PCCB: variants seen among roughly 807,000 people sequenced by gnomAD.
The protein encoded by PCCB is propionyl-CoA carboxylase beta chain, mitochondrial.
In PCCB, 43 loss-of-function variants were observed where a neutral mutation model predicts 60.7. The ratio of observed to expected loss-of-function variants is 0.71; its 90% confidence interval spans 0.55 to 0.91. The LOEUF (loss-of-function observed/expected upper bound fraction) is 0.91, where lower values mean the gene tolerates loss of function less well. Ranked by LOEUF, PCCB falls within the 40% of genes least tolerant of loss-of-function variation. PCCB has a pLI of 0.00. For missense variants in PCCB, 766 were observed against 702.8 expected (o/e 1.09, Z -1.02); for synonymous variants, 276 against 255.9 (o/e 1.08, Z -0.75).
At position 136,297,863 on chromosome 3, in the gene PCCB, T is replaced by C. The variant is rs955547843; in HGVS notation, c.764-89T>C. ...CTATCAGCACGGTCTGCTACTGACA[T>C]GCCCTAGAAGGGCGCAGTCAGGCAT... On this transcript the variant is annotated intron_variant, in intron 7 of 14. Coordinates refer to ENST00000251654, the MANE Select transcript of PCCB (RefSeq NM_000532.5). The C allele has an allele frequency of 1.8e-5, 26 of 1,433,758 alleles. No individual in the cohort carries two copies. The African/African-American group carries it at 3.4e-4, about 18-fold the overall frequency. The allele number at this position is 1,433,758 out of a possible 1,614,324, so 88.8% of individuals were successfully genotyped here. A position where few individuals can be genotyped will look rare whatever the true frequency, so the allele number is the denominator to read the frequency against.
At chr3:136,272,425 T>A (rs909976649) in intron 5 of PCCB, among the ~76,000 whole-genome samples, 1 of 152,140 alleles carries the variant, frequency 6.6e-6, no homozygotes, top group Non-Finnish European at 1.5e-5. Flanking sequence ...ATAGTTTCAG[T>A]AGGATTGGTA....
chr3:136,308,785 G>A (rs1302877513), intron 9 of PCCB, among the ~76,000 whole-genome samples: 1 of 152,138 alleles, frequency 6.6e-6, no homozygotes, highest in African/African-American at 2.4e-5. Flanking sequence ...TAAAACAAAA[G>A]TAGCCTCCAG....
chr3:136,273,768 C>T (rs550506233), intron 5 of PCCB, among the ~76,000 whole-genome samples: 13 of 150,150 alleles, frequency 8.7e-5, no homozygotes, highest in African/African-American at 2.7e-4. Context: ...AAAAATTAGC[C>T]GGGCGTGGTG....
At chr3:136,300,184 A>AT (rs1220047943) in intron 8 of PCCB, among the ~76,000 whole-genome samples, 6 of 149,152 alleles carry the variant, frequency 4.0e-5, no homozygotes, top group Admixed American at 1.3e-4. Flanking sequence ...ATGTGTATAT[A>AT]TGTATGACAA....
At position 136,262,112 on chromosome 3, in the gene PCCB, C is replaced by T. The variant is rs116752930; in HGVS notation, c.543+47C>T. ...AATAAAAAAATACAGGGCTTAAGTT[C>T]TCTAAGCCATGGCCTGGCCAGAGCT... On this transcript the variant is annotated intron_variant, in intron 5 of 14. Coordinates refer to ENST00000251654, the MANE Select transcript of PCCB (RefSeq NM_000532.5). 1,544 of 1,216,604 alleles carry T rather than the reference C, an allele frequency of 1.3e-3. 12 individuals carry two copies. In the African/African-American group the frequency reaches 0.02, roughly 16 times the overall value. The allele number at this position is 1,216,604 out of a possible 1,614,324, so 75.4% of individuals were successfully genotyped here.
intron 5 of PCCB, among the ~76,000 whole-genome samples, chr3:136,269,652 G>A (rs1364584131): frequency 6.6e-6 from 1 of 152,012 alleles, no homozygotes; most frequent in East Asian, 1.9e-4. Context: ...TTGGGAGGCC[G>A]AGGTGGGCAT....
chr3:136,301,053 A>G lies in PCCB; in HGVS notation c.908A>G (p.Asp303Gly). 6.2e-7 allele frequency: 1 copy of G among 1,614,102 alleles called. No homozygotes were observed. Among genetic ancestry groups the G allele is most frequent in the East Asian group, 2.2e-5 (1 of 44,874 alleles). ...DPSDRLVPELDTIVPLESTKA... is the reference protein window; with the variant it reads ...DPSDRLVPELGTIVPLESTKA... The stretch of plus-strand genomic sequence containing the variant: ...AGTGACCGTCTGGTTCCTGAGCTTG[A>G]CACAATTGTCCCTTTGGAATCAACC... The change falls in exon 9 of 15, where the codon GAC (aspartate) becomes GGC (glycine). Residue 303 changes from aspartate to glycine, a missense_variant. By Grantham distance (94) the Asp-to-Gly change is moderately conservative (BLOSUM62 -1). Transcript: ENST00000251654.
intron 7 of PCCB, among the ~76,000 whole-genome samples, chr3:136,294,791 A>AT (rs1201629308): frequency 2.0e-5 from 3 of 151,226 alleles, no homozygotes; most frequent in African/African-American, 4.9e-5. Flanking sequence ...TATTTTTAAT[A>AT]TTTTTTTGTA....
At position 136,297,949 on chromosome 3, in the gene PCCB, T is replaced by C. The variant is rs147939913; in HGVS notation, c.764-3T>C. 9.9e-6 allele frequency: 16 copies of C among 1,614,110 alleles called. No individual in the cohort carries two copies. In the Admixed American group the frequency reaches 1.8e-4, roughly 18 times the overall value. On this transcript the variant is annotated splice_region_variant and splice_polypyrimidine_tract_variant and intron_variant, in intron 7 of 14. Transcript: ENST00000251654. ...CAATCATATATGCTCCCTGTTCTCTTAGGTGTGGCCCACAGAGCTTTTGAA... is the reference window on the plus strand; with the variant it reads ...CAATCATATATGCTCCCTGTTCTCTCAGGTGTGGCCCACAGAGCTTTTGAA...
At chr3:136,313,054 A>G (rs1477533881) in intron 9 of PCCB, among the ~76,000 whole-genome samples, 2 of 152,228 alleles carry the variant, frequency 1.3e-5, no homozygotes, top group African/African-American at 2.4e-5. Flanking sequence ...ATTTTCTCAT[A>G]TGTTAGATTG....
chr3:136,279,917 C>T (rs1282510939), intron 5 of PCCB, among the ~76,000 whole-genome samples: 8 of 152,186 alleles, frequency 5.3e-5, no homozygotes, highest in African/African-American at 1.4e-4. Flanking sequence ...CTGCCCGTCT[C>T]GGCCTCCCAA....
At chr3:136,298,199 G>A (rs776885845) in intron 8 of PCCB, 127 bp downstream of exon 8, 45 of 1,113,032 alleles carry the variant, frequency 4.0e-5, no homozygotes, top group Admixed American at 1.7e-4. Flanking sequence ...TGGCTCCCAG[G>A]TGTGGGGATG....
chr3:136,260,138 G>A, intron 3 of PCCB: 1 of 401,428 alleles, frequency 2.5e-6, no homozygotes, highest in Non-Finnish European at 4.7e-6. Context: ...CAGTGGTGCT[G>A]TCTCAACTCA....
intron 5 of PCCB, 49 bp from the exon 6 acceptor site, chr3:136,283,788 G>A (rs774669215): frequency 8.1e-7 from 1 of 1,237,224 alleles, no homozygotes; most frequent in Admixed American, 1.7e-5. Context: ...CACAGATAAT[G>A]CCTCAAACAT....
rs1270162431 is a variant in PCCB, at chr3:136,306,250, A to G, written c.966+5139A>G. Among the ~76,000 whole-genome samples, 4 of 123,048 alleles carry G rather than the reference A, an allele frequency of 3.3e-5. 1 individual carries two copies. Among genetic ancestry groups the G allele is most frequent in the Non-Finnish European group, 5.4e-5 (3 of 55,130 alleles). 80.7% of individuals were successfully genotyped at this position (123,048 alleles called of 152,430 possible). ...TCATGAAGCAGCTGACTATGCTTCA[A>G]TCTGAGTGCAGTAGCCCCTGATAAG... is the stretch of plus-strand genomic sequence containing the variant. On this transcript the variant is annotated intron_variant, in intron 9 of 14. Transcript: ENST00000251654.
chr3:136,304,858 A>ATTTTG (rs1365085315), intron 9 of PCCB, among the ~76,000 whole-genome samples: 1 of 107,576 alleles, frequency 9.3e-6, no homozygotes, highest in Middle Eastern at 5.6e-3. Context: ...CGCTTGGCTA[A>ATTTTG]TTTTTGTATT....
chr3:136,290,676 T>TTTTTTTTTTTG (rs1933642540), intron 6 of PCCB, among the ~76,000 whole-genome samples: 2 of 137,212 alleles, frequency 1.5e-5, no homozygotes, highest in African/African-American at 5.4e-5. Flanking sequence ...GTGTAGTTTT[T>TTTTTTTTTTTG]TTTTTTTTTT....
intron 5 of PCCB, among the ~76,000 whole-genome samples, chr3:136,274,312 T>C (rs1942284137): frequency 6.6e-6 from 1 of 152,082 alleles, no homozygotes; most frequent in Non-Finnish European, 1.5e-5. Context: ...GTAATGCTGG[T>C]TTGGTAGTGG....
chr3:136,289,762 A>G (rs796997109), intron 6 of PCCB, among the ~76,000 whole-genome samples: 4 of 120,690 alleles, frequency 3.3e-5, no homozygotes, highest in African/African-American at 1.3e-4. Flanking sequence ...ATATGATTCC[A>G]TTTTTCTCCT....
Sources: allele counts gnomAD v4.1 joint callset (sites outside exome capture counted in the v4.1 genomes callset), GRCh38; gene constraint gnomAD v4.1.1; transcripts MANE v1.5; gene names NCBI Gene and HGNC (gene_info 2026-07-23, HGNC 2026-07-21).